Variants in IGDCC3 observed in about 807,000 individuals in gnomAD.
IGDCC3 encodes the protein immunoglobulin superfamily DCC subclass member 3.
Under a neutral mutation model 72.0 loss-of-function variants are expected in IGDCC3, and 47 were observed. That is an observed-to-expected ratio of 0.65 (90% CI 0.52 to 0.83). IGDCC3 has a LOEUF of 0.83. IGDCC3 is among the 40% of genes least tolerant of loss of function. IGDCC3 has a pLI of 0.00. For synonymous variants in IGDCC3, 477 were observed against 472.8 expected (o/e 1.01, Z -0.11); for missense variants, 1,038 against 1,091.3 (o/e 0.95, Z 0.69).
intron 5 of IGDCC3, among the ~76,000 whole-genome samples, chr15:65,334,416 G>C (rs1438120306): frequency 6.6e-6 from 1 of 151,984 alleles, no homozygotes; most frequent in East Asian, 1.9e-4. Flanking sequence ...AGATTCTGGG[G>C]TGCTGAGGGC....
Position 65,332,062 on chromosome 15 carries a change from C to T in IGDCC3, c.1027G>A (p.Ala343Thr). 1.2e-6 allele frequency: 2 copies of T among 1,614,138 alleles called. No homozygotes were observed. The highest frequency in any genetic ancestry group is 1.7e-5 in the Admixed American group (1 of 60,010). The change falls in exon 7 of 14, where the codon GCT becomes ACT. Residue 343 changes from alanine (A) to threonine (T), a missense_variant. By Grantham distance (58) the Ala-to-Thr change is moderately conservative. Coordinates refer to ENST00000327987, the MANE Select transcript of IGDCC3 (RefSeq NM_004884.4). ...CAGGTGAACATGGCTGTGGTCCCAG[C>T]TGGCCTGGAGATGGACTGGGGATGC... Reference protein sequence around the residue: ...VQHPQSISRPAGTTAMFTCQA... With the variant: ...VQHPQSISRPTGTTAMFTCQA...
intron 6 of IGDCC3, 73 bp from the exon 7 acceptor site, chr15:65,332,179 G>A (rs772472432): frequency 6.6e-6 from 10 of 1,515,252 alleles, no homozygotes; most frequent in Middle Eastern, 2.0e-4. Context: ...AAGGGAACAG[G>A]GGATGGGACT....
At chr15:65,348,931 T>G (rs1296885926) in intron 2 of IGDCC3, among the ~76,000 whole-genome samples, 1 of 152,090 alleles carries the variant, frequency 6.6e-6, no homozygotes, top group African/African-American at 2.4e-5. Flanking sequence ...GCTGATAGGG[T>G]TGCTGGAAAA....
In IGDCC3 at chr15:65,329,495, T is replaced by A. The variant is rs375413312; in HGVS notation, c.2100A>T (p.Gly700=). 7.5e-6 allele frequency: 12 copies of A among 1,609,142 alleles called. No individual in the cohort carries two copies. The highest frequency in any genetic ancestry group is 1.0e-5 in the Non-Finnish European group (12 of 1,178,664). Residue 700 remains glycine, a synonymous_variant, in exon 13 of 14, where the codon GGA becomes GGT. Coordinates refer to ENST00000327987, the MANE Select transcript of IGDCC3 (RefSeq NM_004884.4). The surrounding 1 kb of genome is among the most constrained non-coding windows in gnomAD (Gnocchi z 4.1). ...GILALNGARR[G]QRGQLGRDEK... The stretch of plus-strand genomic sequence containing the variant: ...CGTCTCGGCCCAGCTGGCCCCGCTG[T>A]CCCCGTCTCGCCCCATTTAGGGCTA...
Position 65,331,272 on chromosome 15 carries a change from T to C in IGDCC3, c.1397-58A>G, listed in dbSNP as rs903985787. ...AAGGACTGGGGGAGTCCTGCCAGCATTGGTGAAATGAGGGCAGCCAGGGTG... is the reference window on the plus strand; with the variant it reads ...AAGGACTGGGGGAGTCCTGCCAGCACTGGTGAAATGAGGGCAGCCAGGGTG... On this transcript the variant is annotated intron_variant, in intron 8 of 13. Coordinates refer to ENST00000327987, the MANE Select transcript of IGDCC3 (RefSeq NM_004884.4). 40 of 1,593,566 alleles carry C rather than the reference T, an allele frequency of 2.5e-5. No individual in the cohort carries two copies. The Admixed American group carries it at 3.9e-4, about 16-fold the overall frequency.
chr15:65,330,828 G>T (rs11634591), intron 9 of IGDCC3, 87 bp from the exon 10 acceptor site: 315,227 of 1,238,778 alleles, frequency 0.25, 42,629 homozygotes, highest in Admixed American at 0.36. Flanking sequence ...ACCCCCAAAA[G>T]CCTGACAGCC....
chr15:65,338,227 A>C (rs2091047746), intron 2 of IGDCC3, among the ~76,000 whole-genome samples: 1 of 152,226 alleles, frequency 6.6e-6, no homozygotes, highest in African/African-American at 2.4e-5. Flanking sequence ...CCTCCTGCTC[A>C]CATTTCCCTT....
chr15:65,328,793 T>G lies in IGDCC3; in HGVS notation c.*116A>C. 7.6e-7 allele frequency: 1 copy of G among 1,310,192 alleles called. No homozygotes were observed. The allele number at this position is 1,310,192 out of a possible 1,614,324, so 81.2% of individuals were successfully genotyped here. On this transcript the variant is annotated 3_prime_UTR_variant, in exon 14 of 14. Coordinates refer to ENST00000327987, the MANE Select transcript of IGDCC3 (RefSeq NM_004884.4). Reference sequence around the variant, plus strand: ...TTGACAACCCAAGAGGCAGTCAGGATAGAAATGCTGGGGAGCCCCCAGGAC... The same window carrying G: ...TTGACAACCCAAGAGGCAGTCAGGAGAGAAATGCTGGGGAGCCCCCAGGAC...
At chr15:65,359,052 C>G (rs1265827769) in intron 2 of IGDCC3, among the ~76,000 whole-genome samples, 1 of 152,116 alleles carries the variant, frequency 6.6e-6, no homozygotes, top group Non-Finnish European at 1.5e-5. Flanking sequence ...TCTCGAAGTC[C>G]TAACTTCAAG....
At position 65,333,427 on chromosome 15, in the gene IGDCC3, G is replaced by C. The variant is rs1250111169; in HGVS notation, c.824-12C>G. 1 of 1,586,944 alleles carries C rather than the reference G, an allele frequency of 6.3e-7. No homozygotes were observed. Among genetic ancestry groups the C allele is most frequent in the African/African-American group, 1.4e-5 (1 of 73,770 alleles). ...GATAGGGCGACCATCTGCAGAGGAA[G>C]GGGAGGGGGGATGGGTGAGGGTCAG... On this transcript the variant is annotated splice_polypyrimidine_tract_variant and intron_variant, in intron 5 of 13. Transcript: ENST00000327987.
In IGDCC3 at chr15:65,377,870, GGGCCGGGGCTGGGGCTCC is replaced by G; in HGVS notation, c.-100_-83del. 8 of 1,054,544 alleles carry G rather than the reference GGGCCGGGGCTGGGGCTCC, an allele frequency of 7.6e-6. No individual in the cohort carries two copies. Among genetic ancestry groups the G allele is most frequent in the Non-Finnish European group, 9.1e-6 (8 of 876,334 alleles). 65.3% of individuals were successfully genotyped at this position (1,054,544 alleles called of 1,614,324 possible). A position where few individuals can be genotyped will look rare whatever the true frequency, so the allele number is the denominator to read the frequency against. ...ACAGCGTCCCGCGGGGCCGGCGCCG[GGGCCGGGGCTGGGGCTCC>G]GGCCGGGGCCGAGCCCAGGCGGTGG... On this transcript the variant is annotated 5_prime_UTR_variant, in exon 1 of 14. Coordinates refer to ENST00000327987, the MANE Select transcript of IGDCC3 (RefSeq NM_004884.4). The surrounding 1 kb of genome is among the most constrained non-coding windows in gnomAD (Gnocchi z 4.9).
chr15:65,344,015 G>A (rs2091104694), intron 2 of IGDCC3, among the ~76,000 whole-genome samples: 1 of 152,200 alleles, frequency 6.6e-6, no homozygotes, highest in South Asian at 2.1e-4. Context: ...TGCTAGGGAA[G>A]AAACCCCACA....
intron 2 of IGDCC3, among the ~76,000 whole-genome samples, chr15:65,374,726 C>T (rs866233153): frequency 1.3e-5 from 2 of 152,156 alleles, no homozygotes; most frequent in South Asian, 4.2e-4. Context: ...CTTTAATCAC[C>T]CTTAAAGTAT....
intron 2 of IGDCC3, among the ~76,000 whole-genome samples, chr15:65,360,220 T>A (rs1396850175): frequency 1.4e-4 from 22 of 152,228 alleles, no homozygotes; most frequent in Non-Finnish European, 2.9e-5. Flanking sequence ...TATCACTTTA[T>A]TTCAGGAAAG....
chr15:65,344,877 G>T (rs1257397946), intron 2 of IGDCC3, among the ~76,000 whole-genome samples: 1 of 149,900 alleles, frequency 6.7e-6, no homozygotes, highest in African/African-American at 2.4e-5. Context: ...CACAGGGACT[G>T]GGGGGTGCCC....
intron 2 of IGDCC3, among the ~76,000 whole-genome samples, chr15:65,355,384 G>A (rs1423979677): frequency 6.6e-6 from 1 of 152,096 alleles, no homozygotes; most frequent in African/African-American, 2.4e-5. Context: ...GGCCTCAAAG[G>A]AGAAAAGCAC....
intron 2 of IGDCC3, among the ~76,000 whole-genome samples, chr15:65,354,485 T>C (rs1185701996): frequency 6.6e-6 from 1 of 152,118 alleles, no homozygotes; most frequent in African/African-American, 2.4e-5. Context: ...CATTCCTAAC[T>C]CTAACATGTT....
intron 2 of IGDCC3, among the ~76,000 whole-genome samples, chr15:65,345,533 A>G (rs2091117124): frequency 1.3e-5 from 2 of 151,876 alleles, no homozygotes; most frequent in Admixed American, 1.3e-4. Flanking sequence ...TAGCCCAGGT[A>G]ACAGAGTGAG....
intron 2 of IGDCC3, among the ~76,000 whole-genome samples, chr15:65,347,284 G>A (rs1278040345): frequency 6.6e-6 from 1 of 152,196 alleles, no homozygotes; most frequent in Non-Finnish European, 1.5e-5. Flanking sequence ...ATATAGTTGG[G>A]ATTTAGGTAA....
Sources: gnomAD v4.1 joint callset for allele counts (sites outside exome capture counted in the v4.1 genomes callset) on GRCh38, gnomAD v4.1.1 for gene constraint, Gnocchi (gnomAD v3.1) non-coding constraint, MANE v1.5 for transcripts, NCBI Gene and HGNC (gene_info 2026-07-23, HGNC 2026-07-21) for gene names.